Variants in KSR2 observed in about 807,000 individuals in gnomAD.
KSR2 encodes the protein kinase suppressor of ras 2.
KSR2 carries 25 observed loss-of-function variants against 107.8 expected under a neutral mutation model. That is an observed-to-expected ratio of 0.23 (90% confidence interval 0.17 to 0.32). The LOEUF is 0.32. KSR2 is among the 10% of genes least tolerant of loss of function. The probability of loss-of-function intolerance (pLI) is 1.00; values close to 1 mark genes in which losing one functional copy is unlikely to be tolerated. For synonymous variants in KSR2, 480 were observed against 507.0 expected, an observed-to-expected ratio of 0.95 and a Z score of 0.71; for missense variants, 887 against 1,268.9, an observed-to-expected ratio of 0.70 and a Z score of 4.57.
chr12:117,707,678 G>A (rs542839576), intron 4 of KSR2, among the ~76,000 whole-genome samples: 2 of 152,258 alleles, frequency 1.3e-5, no homozygotes, highest in East Asian at 3.9e-4. Context: ...CGCACACTCC[G>A]GCCTTGAGAA....
At chr12:117,538,805 T>A (rs1041715392) in intron 10 of KSR2, among the ~76,000 whole-genome samples, 1 of 152,208 alleles carries the variant, frequency 6.6e-6, no homozygotes, top group Non-Finnish European at 1.5e-5. Context: ...ACAAAACAGA[T>A]GTAGACTCTG....
chr12:117,927,079 A>C (rs1419997113), intron 1 of KSR2, among the ~76,000 whole-genome samples: 2 of 152,174 alleles, frequency 1.3e-5, no homozygotes, highest in Non-Finnish European at 2.9e-5. Context: ...TTTTTTTAAA[A>C]AAAGGACCAT....
rs368772160 is a variant in KSR2 at position 117,643,459 on chromosome 12, AAAC to A, written c.1171+24012_1171+24014del. ...AAGACTCTATCTCAAAAACAAAACAAAACAACAACAACAACAAAATAGCCATTT... is the reference window on the plus strand; with the variant it reads ...AAGACTCTATCTCAAAAACAAAACAAAACAACAACAACAAAATAGCCATTT... On this transcript the variant is annotated intron_variant, in intron 5 of 19. Transcript: ENST00000339824. 7.8e-4 allele frequency among the ~76,000 whole-genome samples: 119 copies of A among 152,298 alleles called. 2 individuals are homozygous for A. Among genetic ancestry groups the A allele is most frequent in the Admixed American group, 1.7e-3 (26 of 15,304 alleles).
At chr12:117,858,759 A>G (rs1893184086) in intron 2 of KSR2, among the ~76,000 whole-genome samples, 3 of 152,174 alleles carry the variant, frequency 2.0e-5, no homozygotes, top group East Asian at 1.9e-4. Flanking sequence ...AGCCCCATCC[A>G]CTTGCCAGCT....
intron 19 of KSR2, chr12:117,467,971 G>A: frequency 3.0e-6 from 1 of 332,062 alleles, no homozygotes; most frequent in South Asian, 2.5e-5. Flanking sequence ...AGAAAGAGAA[G>A]CCTCCTGCCT....
At chr12:117,808,395 A>G in intron 3 of KSR2, among the ~76,000 whole-genome samples, 1 of 152,090 alleles carries the variant, frequency 6.6e-6, no homozygotes, top group East Asian at 1.9e-4. Flanking sequence ...TCCAACCTCG[A>G]TAAGTGGGAA....
chr12:117,923,492 C>T (rs900893767), intron 1 of KSR2, among the ~76,000 whole-genome samples: 1 of 152,092 alleles, frequency 6.6e-6, no homozygotes, highest in African/African-American at 2.4e-5. Context: ...TTCAAGACCC[C>T]ATCTCCACTA....
At chr12:117,657,298 C>T (rs537559079) in intron 5 of KSR2, among the ~76,000 whole-genome samples, 2 of 152,210 alleles carry the variant, frequency 1.3e-5, no homozygotes, top group Admixed American at 1.3e-4. Flanking sequence ...GACCTAAAAA[C>T]AGCAGGGCTG....
intron 9 of KSR2, 132 bp downstream of exon 9, chr12:117,555,037 A>C: frequency 7.5e-6 from 8 of 1,067,954 alleles, no homozygotes; most frequent in Non-Finnish European, 1.1e-5. Context: ...CAACACAAAC[A>C]TCACAGAATT....
rs1870434978 is a variant in KSR2, at chr12:117,453,432, T to C, written c.*13767A>G. On this transcript the variant is annotated 3_prime_UTR_variant, in exon 20 of 20. Transcript: ENST00000339824. ...CATGAAACCACCTTCTTACATCAAC[T>C]CACTCTGCAACAGTCGACACAAACA... 3 of 152,456 alleles carry C rather than the reference T, an allele frequency of 2.0e-5. No individual in the cohort carries two copies. Among genetic ancestry groups the C allele is most frequent in the Admixed American group, 2.0e-4 (3 of 15,252 alleles). The allele number at this position is 152,456 out of a possible 1,614,324, so 9.4% of individuals were successfully genotyped here.
In KSR2 at chr12:117,618,025, T is replaced by C. The variant is rs1048375889; in HGVS notation, c.1172-35666A>G. Among the ~76,000 whole-genome samples the C allele has an allele frequency of 3.9e-5, 6 of 152,336 alleles. No homozygotes were observed. The South Asian group carries it at 1.2e-3, about 32-fold the overall frequency. ...GATTTTTGCTCCTGGTTTTCAGTCA[T>C]GTCATTTTATGTCCTAATATTTCTG... On this transcript the variant is annotated intron_variant, in intron 5 of 19. Coordinates refer to ENST00000339824, the MANE Select transcript of KSR2 (RefSeq NM_173598.6).
intron 1 of KSR2, among the ~76,000 whole-genome samples, chr12:117,937,805 CAA>C (rs148311682): frequency 2.5e-5 from 3 of 121,284 alleles, no homozygotes. Flanking sequence ...ACTAAAAATA[CAA>C]AAAAAAAAAA....
chr12:117,912,821 C>T (rs118092148), intron 1 of KSR2, among the ~76,000 whole-genome samples: 2,119 of 152,248 alleles, frequency 0.014, 23 homozygotes, highest in Non-Finnish European at 0.023. Context: ...TCTCTGATCG[C>T]AGCTCCTCCG....
intron 7 of KSR2, among the ~76,000 whole-genome samples, chr12:117,578,642 T>C (rs1007185241): frequency 6.9e-6 from 1 of 144,820 alleles, no homozygotes; most frequent in Non-Finnish European, 1.5e-5. Context: ...AGAAAAGGAG[T>C]TGGCAAATTC....
At chr12:117,743,853 G>GGA (rs201531881) in intron 4 of KSR2, among the ~76,000 whole-genome samples, 1 of 152,110 alleles carries the variant, frequency 6.6e-6, no homozygotes. Context: ...CTCTTCTAGA[G>GGA]GAGAGAGAGA....
intron 1 of KSR2, among the ~76,000 whole-genome samples, chr12:117,869,430 C>T (rs920651414): frequency 1.1e-4 from 17 of 152,122 alleles, no homozygotes; most frequent in Non-Finnish European, 1.0e-4. Flanking sequence ...TCCCTTTGAC[C>T]GCTCCCACGA....
intron 5 of KSR2, among the ~76,000 whole-genome samples, chr12:117,623,704 C>T (rs545150360): frequency 4.6e-5 from 7 of 152,344 alleles, no homozygotes; most frequent in African/African-American, 1.7e-4. Flanking sequence ...GTGCATGTGT[C>T]TTTATAGTAG....
At chr12:117,469,577 G>A in intron 19 of KSR2, 85 bp downstream of exon 19, 1 of 1,493,988 alleles carries the variant, frequency 6.7e-7, no homozygotes, top group Admixed American at 2.0e-5. Context: ...TGGGGGAGGA[G>A]TAAAAAAGAT....
chr12:117,653,955 C>T (rs527585187), intron 5 of KSR2, among the ~76,000 whole-genome samples: 23 of 152,246 alleles, frequency 1.5e-4, no homozygotes, highest in East Asian at 1.2e-3. Context: ...TGTCAGTCGC[C>T]GACAGGGATG....
Sources: gnomAD v4.1 joint callset for allele counts (sites outside exome capture counted in the v4.1 genomes callset) on GRCh38, gnomAD v4.1.1 for gene constraint, MANE v1.5 for transcripts, NCBI Gene and HGNC (gene_info 2026-07-23, HGNC 2026-07-21) for gene names.